Variants in GLI3 observed in about 807,000 individuals in gnomAD.
GLI3 encodes the protein GLI family zinc finger 3, also known as transcription activator GLI3.
A neutral mutation model predicts 100.8 loss-of-function variants in GLI3; 20 were observed. That is an observed-to-expected ratio of 0.20 (90% CI 0.14 to 0.29). GLI3 has a LOEUF of 0.29. GLI3 is among the 10% of genes least tolerant of loss of function. The pLI, the probability that GLI3 is intolerant of heterozygous loss-of-function variation, is 1.00. For missense variants in GLI3, 2,040 were observed against 2,128.5 expected (o/e 0.96, Z 0.82); for synonymous variants, 938 against 860.5 (o/e 1.09, Z -1.58).
upstream of GLI3, among the ~76,000 whole-genome samples, chr7:42,238,731 G>C (rs1370268771): frequency 2.0e-5 from 3 of 151,884 alleles, no homozygotes; most frequent in Non-Finnish European, 4.4e-5. Context: ...TATCCAACCT[G>C]GACATGTAAC....
intron 12 of GLI3, among the ~76,000 whole-genome samples, chr7:41,975,474 G>C (rs1276527743): frequency 2.6e-5 from 4 of 152,198 alleles, no homozygotes; most frequent in African/African-American, 4.8e-5. Context: ...ATATAGAAGA[G>C]AGAAGTATAA....
At chr7:41,989,453 G>A (rs1463224062) in intron 10 of GLI3, among the ~76,000 whole-genome samples, 1 of 152,146 alleles carries the variant, frequency 6.6e-6, no homozygotes, top group Non-Finnish European at 1.5e-5. Context: ...AAAGGCCAGA[G>A]GAGCTAAGAA....
At chr7:42,007,194 C>A (rs1788481215) in intron 10 of GLI3, among the ~76,000 whole-genome samples, 1 of 127,946 alleles carries the variant, frequency 7.8e-6, no homozygotes, top group African/African-American at 2.9e-5. Context: ...AAGTGAATTA[C>A]CAAGATAATG....
intron 10 of GLI3, among the ~76,000 whole-genome samples, chr7:41,984,075 CT>C (rs1361830715): frequency 2.8e-4 from 42 of 152,246 alleles, no homozygotes; most frequent in African/African-American, 9.9e-4. Flanking sequence ...GCAGAAGGTG[CT>C]TCTTTCTTTT....
chr7:42,156,819 C>T (rs181759551), intron 2 of GLI3, among the ~76,000 whole-genome samples: 2 of 152,236 alleles, frequency 1.3e-5, no homozygotes, highest in South Asian at 2.1e-4. Flanking sequence ...CAGGTCCACA[C>T]CCTCCTCCCA....
At chr7:42,062,377 A>C (rs1198341171) in intron 4 of GLI3, among the ~76,000 whole-genome samples, 2 of 152,154 alleles carry the variant, frequency 1.3e-5, no homozygotes, top group East Asian at 3.9e-4. Flanking sequence ...TTTCTCGAGA[A>C]TAGCATCACA....
intron 12 of GLI3, 64 bp downstream of exon 12, chr7:41,977,494 G>A: frequency 6.5e-7 from 1 of 1,537,544 alleles, no homozygotes; most frequent in South Asian, 1.1e-5. Context: ...GCCTTCCCAT[G>A]TGCCTTCCCC....
chr7:42,113,870 C>A (rs1221564452), intron 3 of GLI3, among the ~76,000 whole-genome samples: 1 of 152,174 alleles, frequency 6.6e-6, no homozygotes, highest in Non-Finnish European at 1.5e-5. Context: ...TTCCTCTTGG[C>A]TCCCAGGAGG....
At chr7:42,259,219 C>T (rs1051699215) in intron 1 of GLI3, among the ~76,000 whole-genome samples, 8 of 152,178 alleles carry the variant, frequency 5.3e-5, no homozygotes, top group African/African-American at 1.9e-4. Flanking sequence ...TTCTTATAAA[C>T]AAATGCTACC....
Position 42,209,986 on chromosome 7 carries a change from G to GAAAAAAA in GLI3, c.124+13137_124+13143dup, listed in dbSNP as rs749477443. ...GGGTCATACATCTCTTTAAGAATCT[G>GAAAAAAA]AAAAAAAAAAAAAAAAAAAAAAAAA... On this transcript the variant is annotated intron_variant, in intron 2 of 14. Transcript: ENST00000395925. Among the ~76,000 whole-genome samples, 39 of 33,276 alleles carry GAAAAAAA rather than the reference G, an allele frequency of 1.2e-3. 2 individuals are homozygous for GAAAAAAA. The highest frequency in any genetic ancestry group is 4.2e-3 in the African/African-American group (28 of 6,718). The allele number at this position is 33,276 out of a possible 152,430, so 21.8% of individuals were successfully genotyped here. A position where few individuals can be genotyped will look rare whatever the true frequency, so the allele number is the denominator to read the frequency against.
chr7:42,000,804 C>A (rs760177988), intron 10 of GLI3, among the ~76,000 whole-genome samples: 12 of 152,052 alleles, frequency 7.9e-5, no homozygotes, highest in Non-Finnish European at 1.3e-4. Flanking sequence ...ACTCATGGAC[C>A]CACACATGTC....
intron 3 of GLI3, among the ~76,000 whole-genome samples, chr7:42,082,057 C>T (rs1785007191): frequency 6.6e-6 from 1 of 151,948 alleles, no homozygotes; most frequent in Non-Finnish European, 1.5e-5. Flanking sequence ...CAATCATCTG[C>T]CATCAGCAGA....
At chr7:42,033,436 C>T (rs1789351958) in intron 7 of GLI3, among the ~76,000 whole-genome samples, 1 of 152,134 alleles carries the variant, frequency 6.6e-6, no homozygotes. Context: ...TACAACAAAC[C>T]TAGTTTACTA....
chr7:42,048,546 G>A lies in GLI3; in HGVS notation c.624C>T (p.His208=), dbSNP rs1338216343. The change falls in exon 5 of 15, where the codon CAC becomes CAT. Residue 208 remains histidine, a synonymous_variant. Transcript: ENST00000395925. ...AGATCATGGAGAGCGATGGGCTGCT[G>A]TGCAAGGAGCGGATATAGTCCATGT... ...NPYMDYIRSL[H]SSPSLSMISA... is the part of the protein sequence containing the mutation. The A allele has an allele frequency of 1.9e-6, 3 of 1,613,286 alleles. No individual in the cohort carries two copies. Among genetic ancestry groups the A allele is most frequent in the African/African-American group, 1.3e-5 (1 of 74,700 alleles).
rs201112421 is a variant in GLI3, at chr7:41,964,549, G to A, written c.4524C>T (p.Ala1508=). ...DLEGVQIDFD[A]IIDDGDHSSL... is the part of the protein sequence containing the mutation. Reference sequence around the variant, plus strand: ...TGGAGTGGTCCCCATCGTCTATGATGGCATCGAAGTCAATCTGTACCCCTT... The same window carrying A: ...TGGAGTGGTCCCCATCGTCTATGATAGCATCGAAGTCAATCTGTACCCCTT... Residue 1508 remains alanine (A), a synonymous_variant, in exon 15 of 15, where the codon GCC becomes GCT. Coordinates refer to ENST00000395925, the MANE Select transcript of GLI3 (RefSeq NM_000168.6). 60 of 1,613,816 alleles carry A rather than the reference G, an allele frequency of 3.7e-5. 1 individual carries two copies. In the East Asian group the frequency reaches 4.9e-4, roughly 13 times the overall value.
chr7:42,135,799 T>C (rs1054100077), intron 3 of GLI3, among the ~76,000 whole-genome samples: 1 of 152,222 alleles, frequency 6.6e-6, no homozygotes, highest in Non-Finnish European at 1.5e-5. Flanking sequence ...TCAGGAGACA[T>C]GAACTGTCCA....
chr7:42,169,236 T>C (rs925323719), intron 2 of GLI3, among the ~76,000 whole-genome samples: 30 of 152,340 alleles, frequency 2.0e-4, no homozygotes, highest in African/African-American at 6.5e-4. Context: ...TACAGCTGTT[T>C]ATTTTAGACA....
At chr7:42,222,069 A>G (rs1269946219) in intron 2 of GLI3, among the ~76,000 whole-genome samples, 2 of 152,212 alleles carry the variant, frequency 1.3e-5, no homozygotes, top group Admixed American at 6.5e-5. Context: ...GGCTCTCAGC[A>G]GACATGGAGG....
chr7:42,050,355 G>C (rs970692248), intron 4 of GLI3, among the ~76,000 whole-genome samples: 2 of 152,116 alleles, frequency 1.3e-5, no homozygotes, highest in Non-Finnish European at 2.9e-5. Context: ...TAGTAAAATG[G>C]CTTGTTTAAA....
Sources: allele counts gnomAD v4.1 joint callset (sites outside exome capture counted in the v4.1 genomes callset), GRCh38; gene constraint gnomAD v4.1.1; transcripts MANE v1.5; gene names NCBI Gene and HGNC (gene_info 2026-07-23, HGNC 2026-07-21).